Variants in SCAPER observed in about 807,000 individuals in gnomAD.
The protein encoded by SCAPER is S phase cyclin A-associated protein in the endoplasmic reticulum.
A neutral mutation model predicts 182.2 loss-of-function variants in SCAPER; 98 were observed. The ratio of observed to expected loss-of-function variants is 0.54; its 90% confidence interval spans 0.46 to 0.64. SCAPER has a LOEUF of 0.64. Ranked by LOEUF, SCAPER falls within the 30% of genes least tolerant of loss-of-function variation. The probability of loss-of-function intolerance (pLI) is 0.00; values close to 1 mark genes in which losing one functional copy is unlikely to be tolerated. For synonymous variants in SCAPER, 605 were observed against 564.6 expected, an observed-to-expected ratio of 1.07 and a Z score of -1.01; for missense variants, 1,432 against 1,690.0, an observed-to-expected ratio of 0.85 and a Z score of 2.68.
intron 27 of SCAPER, among the ~76,000 whole-genome samples, chr15:76,391,351 A>G (rs527401415): frequency 6.6e-6 from 1 of 152,238 alleles, no homozygotes; most frequent in South Asian, 2.1e-4. Flanking sequence ...TCTTATTTGT[A>G]TATTGGTTGA....
chr15:76,520,074 C>T (rs1483211565), intron 23 of SCAPER, among the ~76,000 whole-genome samples: 1 of 152,176 alleles, frequency 6.6e-6, no homozygotes, highest in Non-Finnish European at 1.5e-5. Flanking sequence ...CTCAAAGGGG[C>T]CTTCTCTAAC....
chr15:76,606,554 C>G (rs1343456960), intron 22 of SCAPER, among the ~76,000 whole-genome samples: 1 of 151,724 alleles, frequency 6.6e-6, no homozygotes, highest in Non-Finnish European at 1.5e-5. Context: ...GAGCTGAGTT[C>G]AATTCCTGGA....
chr15:76,841,988 G>A, intron 4 of SCAPER, 57 bp from the exon 5 acceptor site: 1 of 1,417,986 alleles, frequency 7.1e-7, no homozygotes, highest in Non-Finnish European at 9.5e-7. Context: ...CCAGGGACTG[G>A]ATTTTTTATA....
intron 20 of SCAPER, among the ~76,000 whole-genome samples, chr15:76,697,753 C>A (rs1170975969): frequency 4.6e-5 from 7 of 152,120 alleles, no homozygotes; most frequent in Admixed American, 4.6e-4. Flanking sequence ...AATTCTCCTG[C>A]CTCAGCCTCT....
At chr15:76,572,915 T>TCACA (rs376553582) in intron 23 of SCAPER, among the ~76,000 whole-genome samples, 8,107 of 131,022 alleles carry the variant, frequency 0.062, 305 homozygotes, top group East Asian at 0.11. Context: ...TCTCTCTCTC[T>TCACA]CTCTCACACA....
intron 21 of SCAPER, among the ~76,000 whole-genome samples, chr15:76,653,785 A>T (rs531732567): frequency 3.9e-5 from 6 of 152,336 alleles, no homozygotes; most frequent in African/African-American, 1.4e-4. Context: ...TTTTCCCAAC[A>T]TCACCACTGG....
At chr15:76,561,233 A>G (rs1468661524) in intron 23 of SCAPER, among the ~76,000 whole-genome samples, 1 of 152,208 alleles carries the variant, frequency 6.6e-6, no homozygotes, top group Non-Finnish European at 1.5e-5. Flanking sequence ...ACATCACTCA[A>G]TGTCACATGT....
chr15:76,433,979 T>C, intron 26 of SCAPER, 99 bp downstream of exon 26: 1 of 947,246 alleles, frequency 1.1e-6, no homozygotes, highest in Non-Finnish European at 1.6e-6. Flanking sequence ...GTGAATGGCA[T>C]TGTGAGAACC....
At chr15:76,493,890 G>A (rs938506796) in intron 24 of SCAPER, among the ~76,000 whole-genome samples, 3 of 152,086 alleles carry the variant, frequency 2.0e-5, no homozygotes, top group Admixed American at 2.0e-4. Flanking sequence ...ATGGAGAAGA[G>A]TATTTATCAA....
chr15:76,865,887 T>C (rs2151897805), intron 2 of SCAPER, among the ~76,000 whole-genome samples: 1 of 152,270 alleles, frequency 6.6e-6, no homozygotes, highest in Admixed American at 6.5e-5. Flanking sequence ...GTCATCTACT[T>C]ACCTGACTCA....
intron 29 of SCAPER, among the ~76,000 whole-genome samples, chr15:76,361,581 T>C (rs535860195): frequency 6.6e-6 from 1 of 152,352 alleles, no homozygotes; most frequent in African/African-American, 2.4e-5. Context: ...AAGACACTGC[T>C]GGTTTAAATA....
At chr15:76,574,002 G>T (rs543126671) in intron 23 of SCAPER, among the ~76,000 whole-genome samples, 156 bp downstream of exon 23, 1 of 150,662 alleles carries the variant, frequency 6.6e-6, no homozygotes, top group South Asian at 2.1e-4. Context: ...CAACTGAAAA[G>T]AACAAAAGTA....
intron 22 of SCAPER, among the ~76,000 whole-genome samples, chr15:76,610,649 A>G (rs2050895241): frequency 6.6e-6 from 1 of 152,220 alleles, no homozygotes; most frequent in Non-Finnish European, 1.5e-5. Flanking sequence ...CAAACTATCT[A>G]AAAGGGAAAT....
intron 26 of SCAPER, among the ~76,000 whole-genome samples, chr15:76,411,689 A>G (rs1478073964): frequency 6.6e-6 from 1 of 152,128 alleles, no homozygotes; most frequent in Non-Finnish European, 1.5e-5. Context: ...TAAATTTACA[A>G]ATTTATAGAG....
In SCAPER at chr15:76,708,181, T is replaced by C. The variant is rs77532382; in HGVS notation, c.2166-2197A>G. 8.2e-3 allele frequency among the ~76,000 whole-genome samples: 1,243 copies of C among 152,298 alleles called. 13 individuals are homozygous for C. The highest frequency in any genetic ancestry group is 0.028 in the African/African-American group (1,179 of 41,564). ...ATATTTTAAATCATCCCTAGATTAC[T>C]TATAATACCTAATACAATATGAATG... On this transcript the variant is annotated intron_variant, in intron 17 of 31. Transcript: ENST00000563290.
chr15:76,490,877 C>A (rs1403397761), intron 24 of SCAPER, among the ~76,000 whole-genome samples: 1 of 152,136 alleles, frequency 6.6e-6, no homozygotes, highest in Non-Finnish European at 1.5e-5. Flanking sequence ...TTTCTCAACA[C>A]CATTTGTTGA....
chr15:76,879,869 A>G (rs12595586), intron 2 of SCAPER, among the ~76,000 whole-genome samples: 57,911 of 152,074 alleles, frequency 0.38, 13,102 homozygotes, highest in Middle Eastern at 0.53. Context: ...TATATTTTAA[A>G]TCATACACTT....
intron 29 of SCAPER, among the ~76,000 whole-genome samples, chr15:76,370,742 A>G (rs1422237869): frequency 6.6e-6 from 1 of 152,218 alleles, no homozygotes; most frequent in Non-Finnish European, 1.5e-5. Flanking sequence ...CTATGATCAC[A>G]CAGCTAATGG....
chr15:76,457,837 TA>T (rs1204894840), intron 25 of SCAPER, among the ~76,000 whole-genome samples: 2 of 152,172 alleles, frequency 1.3e-5, no homozygotes, highest in African/African-American at 4.8e-5. Context: ...AATTTTAAAA[TA>T]AATACAGAGT....
Sources: gnomAD v4.1 joint callset for allele counts (sites outside exome capture counted in the v4.1 genomes callset) on GRCh38, gnomAD v4.1.1 for gene constraint, MANE v1.5 for transcripts, NCBI Gene and HGNC (gene_info 2026-07-23, HGNC 2026-07-21) for gene names.